Variants in PRELID2 observed in about 807,000 individuals in gnomAD.
PRELID2 encodes the protein PRELI domain-containing protein 2.
A neutral mutation model predicts 28.4 loss-of-function variants in PRELID2; 25 were observed. The ratio of observed to expected loss-of-function variants is 0.88; its 90% CI spans 0.64 to 1.23. The LOEUF is 1.23. PRELID2 is among the 50% of genes most tolerant of loss of function. The pLI, the probability that PRELID2 is intolerant of heterozygous loss-of-function variation, is 0.00. For synonymous variants in PRELID2, 76 were observed against 71.6 expected (o/e 1.06, Z -0.31); for missense variants, 201 against 214.4 (o/e 0.94, Z 0.39).
intron 4 of PRELID2, among the ~76,000 whole-genome samples, chr5:145,817,220 A>ATATATATATATATATATATATATATAT (rs1265574987): frequency 5.7e-4 from 38 of 66,432 alleles, no homozygotes; most frequent in Non-Finnish European, 9.3e-4. Flanking sequence ...AATAAAAAAA[A>ATATATATATATATATATATATATATAT]ATATATATAT....
At chr5:145,332,333 T>C in the PRELID2 span, among the ~76,000 whole-genome samples, 3 of 152,184 alleles carry the variant, frequency 2.0e-5, no homozygotes, top group Non-Finnish European at 4.4e-5. Flanking sequence ...GCTGGGGAAG[T>C]TCTCCTGGAT....
chr5:145,398,371 G>A, the PRELID2 span, among the ~76,000 whole-genome samples: 1 of 152,146 alleles, frequency 6.6e-6, no homozygotes, highest in East Asian at 1.9e-4. Context: ...CTTTTTCAGA[G>A]TCAATTACCA....
intron 1 of PRELID2, among the ~76,000 whole-genome samples, chr5:145,707,330 G>A (rs1322880127): frequency 6.6e-6 from 1 of 152,180 alleles, no homozygotes; most frequent in Non-Finnish European, 1.5e-5. Flanking sequence ...GGAAGTTGAA[G>A]GGCCAAGTGG....
chr5:145,633,641 T>A (rs887316588), intron 1 of PRELID2, among the ~76,000 whole-genome samples: 3 of 152,244 alleles, frequency 2.0e-5, no homozygotes, highest in African/African-American at 7.2e-5. Context: ...AATATCATGC[T>A]GTTTGCTATT....
At chr5:145,383,342 AC>A in the PRELID2 span, among the ~76,000 whole-genome samples, 5 of 151,284 alleles carry the variant, frequency 3.3e-5, no homozygotes, top group East Asian at 9.7e-4. Context: ...ATACACACAC[AC>A]ACACATACAC....
chr5:145,708,597 A>ATTTTTTT (rs1755608944), intron 1 of PRELID2, among the ~76,000 whole-genome samples: 2 of 152,204 alleles, frequency 1.3e-5, no homozygotes, highest in African/African-American at 4.8e-5. Flanking sequence ...TAAATTAAAC[A>ATTTTTTT]GAAAATTTTT....
intron 1 of PRELID2, among the ~76,000 whole-genome samples, chr5:145,476,482 T>C (rs906404139): frequency 3.9e-5 from 6 of 152,068 alleles, no homozygotes; most frequent in African/African-American, 1.2e-4. Context: ...CTATCTCTAC[T>C]AAACATACAA....
At chr5:145,353,303 C>G in the PRELID2 span, among the ~76,000 whole-genome samples, 6 of 151,398 alleles carry the variant, frequency 4.0e-5, no homozygotes, top group Admixed American at 6.6e-5. Context: ...AACACACACA[C>G]ACACAAAAAA....
chr5:145,491,468 T>C (rs764070396), intron 1 of PRELID2, among the ~76,000 whole-genome samples: 1 of 152,188 alleles, frequency 6.6e-6, no homozygotes, highest in Non-Finnish European at 1.5e-5. Flanking sequence ...TACAAATATT[T>C]TGAAGTATAT....
At chr5:145,281,700 T>C in the PRELID2 span, among the ~76,000 whole-genome samples, 1 of 152,222 alleles carries the variant, frequency 6.6e-6, no homozygotes, top group Non-Finnish European at 1.5e-5. Context: ...TGTTTGTATG[T>C]CCATTGCGTG....
intron 3 of PRELID2, chr5:145,819,242 T>C (rs624380): frequency 0.81 from 536,083 of 664,750 alleles, 218,604 homozygotes; most frequent in African/African-American, 0.97. Context: ...GAATCTCTCT[T>C]GGGTTGAAAC....
At chr5:145,262,105 C>G in the PRELID2 span, among the ~76,000 whole-genome samples, 1 of 152,086 alleles carries the variant, frequency 6.6e-6, no homozygotes, top group Non-Finnish European at 1.5e-5. Context: ...CTTGGCAGAG[C>G]TCAAAGACAA....
intron 1 of PRELID2, among the ~76,000 whole-genome samples, chr5:145,590,927 C>T (rs191059279): frequency 6.6e-6 from 1 of 151,926 alleles, no homozygotes; most frequent in Admixed American, 6.6e-5. Context: ...ATAAGACCAC[C>T]TGATGCCCAA....
chr5:145,464,490 T>G, the PRELID2 span, among the ~76,000 whole-genome samples: 1 of 152,220 alleles, frequency 6.6e-6, no homozygotes, highest in African/African-American at 2.4e-5. Context: ...GCAAGAAGTC[T>G]GTCTTCAAAT....
rs575057270 is a variant in PRELID2, at chr5:145,597,407, C to T, written n.71-124092G>A. ...TTTGCCAACTATCTGATGATAGATG[C>T]ACACTGAACTAATCCATTGGCATGA... On this transcript the variant is annotated intron_variant and non_coding_transcript_variant, in intron 1 of 2. Coordinates refer to the PRELID2 transcript ENST00000510259. Among the ~76,000 whole-genome samples, 83 of 152,222 alleles carry T rather than the reference C, an allele frequency of 5.5e-4. 1 individual carries two copies. The South Asian group carries it at 0.016, about 30-fold the overall frequency.
chr5:145,460,316 T>C, the PRELID2 span, among the ~76,000 whole-genome samples: 1 of 152,230 alleles, frequency 6.6e-6, no homozygotes, highest in Non-Finnish European at 1.5e-5. Flanking sequence ...TTACAGCAGA[T>C]TGTTTTTAGT....
At chr5:145,818,140 A>T in intron 3 of PRELID2, 86 bp from the exon 4 acceptor site, 4 of 1,399,324 alleles carry the variant, frequency 2.9e-6, no homozygotes, top group Non-Finnish European at 3.9e-6. Context: ...TCAGTCTTGG[A>T]TAACCAAGAG....
intron 1 of PRELID2, among the ~76,000 whole-genome samples, chr5:145,536,641 T>C (rs1357114956): frequency 6.6e-6 from 1 of 151,746 alleles, no homozygotes; most frequent in Non-Finnish European, 1.5e-5. Context: ...TCCCTCGGAG[T>C]CCATAGGGGC....
At chr5:145,430,555 CT>C in the PRELID2 span, among the ~76,000 whole-genome samples, 2 of 152,122 alleles carry the variant, frequency 1.3e-5, no homozygotes, top group Non-Finnish European at 2.9e-5. Flanking sequence ...GTCATGTGTC[CT>C]CATCTAACTG....
Sources: gnomAD v4.1 joint callset for allele counts (sites outside exome capture counted in the v4.1 genomes callset) on GRCh38, gnomAD v4.1.1 for gene constraint, MANE v1.5 for transcripts, NCBI Gene and HGNC (gene_info 2026-07-23, HGNC 2026-07-21) for gene names.